Variants in KAT2B observed in about 807,000 individuals in gnomAD.
KAT2B encodes lysine acetyltransferase 2B, also known as histone acetyltransferase KAT2B.
In KAT2B, 36 loss-of-function variants were observed where a neutral mutation model predicts 105.9. The observed-to-expected ratio is 0.34, with a 90% confidence interval of 0.26 to 0.45. The LOEUF is 0.45. KAT2B is among the 20% of genes least tolerant of loss of function. The pLI is 1.00. For missense variants in KAT2B, 820 were observed against 1,021.6 expected (o/e 0.80, Z 2.69); for synonymous variants, 397 against 377.9 (o/e 1.05, Z -0.59).
chr3:20,128,431 A>C (rs1699448705), intron 11 of KAT2B, among the ~76,000 whole-genome samples: 2 of 152,210 alleles, frequency 1.3e-5, no homozygotes, highest in Admixed American at 1.3e-4. Context: ...TAAATTTATG[A>C]ATAAATTTCA....
chr3:20,058,600 A>T (rs960309881), intron 1 of KAT2B, among the ~76,000 whole-genome samples: 1 of 152,076 alleles, frequency 6.6e-6, no homozygotes, highest in Non-Finnish European at 1.5e-5. Flanking sequence ...CCCACCCTGT[A>T]TACTTTCCTC....
chr3:20,104,147 GA>G (rs1559314875), intron 5 of KAT2B, among the ~76,000 whole-genome samples: 1 of 152,130 alleles, frequency 6.6e-6, no homozygotes, highest in Non-Finnish European at 1.5e-5. Context: ...GCAGGGAATA[GA>G]AAAACAGCAA....
chr3:20,098,339 C>CT (rs1239742097), intron 3 of KAT2B, among the ~76,000 whole-genome samples: 1 of 152,084 alleles, frequency 6.6e-6, no homozygotes, highest in African/African-American at 2.4e-5. Flanking sequence ...GCGCTGGAGT[C>CT]TAACTACCTG....
intron 12 of KAT2B, among the ~76,000 whole-genome samples, chr3:20,138,916 C>T (rs1699649952): frequency 6.6e-6 from 1 of 152,074 alleles, no homozygotes; most frequent in South Asian, 2.1e-4. Flanking sequence ...TGTTTTGAGA[C>T]AGGGTCTTAC....
intron 7 of KAT2B, among the ~76,000 whole-genome samples, chr3:20,117,120 T>G (rs1200824371): frequency 6.6e-6 from 1 of 152,172 alleles, no homozygotes; most frequent in Admixed American, 6.6e-5. Flanking sequence ...CCTTGTTTGC[T>G]CAAAATTCTC....
chr3:20,057,865 G>T (rs562531288), intron 1 of KAT2B, among the ~76,000 whole-genome samples: 1 of 152,196 alleles, frequency 6.6e-6, no homozygotes, highest in South Asian at 2.1e-4. Context: ...TCAGTCAGCG[G>T]GACCTAATTA....
At chr3:20,127,603 A>G in intron 11 of KAT2B, 54 bp downstream of exon 11, 1 of 1,552,156 alleles carries the variant, frequency 6.4e-7, no homozygotes, top group Non-Finnish European at 8.9e-7. Flanking sequence ...GCTTCTCACT[A>G]AGGCCTGCAG....
chr3:20,151,443 GTTT>G (rs57662568), intron 17 of KAT2B, among the ~76,000 whole-genome samples: 1 of 149,514 alleles, frequency 6.7e-6, no homozygotes, highest in Non-Finnish European at 1.5e-5. Flanking sequence ...CAGAAGTGGG[GTTT>G]TTTTTTTCCC....
At chr3:20,125,258 T>C (rs1699379745) in intron 9 of KAT2B, among the ~76,000 whole-genome samples, 1 of 137,530 alleles carries the variant, frequency 7.3e-6, no homozygotes, top group Non-Finnish European at 1.5e-5. Context: ...TGAGCTGAGA[T>C]AGCGCCACTG....
Position 20,062,659 on chromosome 3 carries a change from G to A in KAT2B, c.304-9674G>A, listed in dbSNP as rs377342350. 8.7e-4 allele frequency among the ~76,000 whole-genome samples: 132 copies of A among 151,356 alleles called. 1 individual carries two copies. Among genetic ancestry groups the A allele is most frequent in the African/African-American group, 3.2e-3 (130 of 41,252 alleles). ...GTGTTTTTAGTAGAGACGGGGTTTC[G>A]CCTTGTTTGCCAGACTGGTCTTGCA... On this transcript the variant is annotated intron_variant, in intron 1 of 17. Coordinates refer to ENST00000263754, the MANE Select transcript of KAT2B (RefSeq NM_003884.5).
rs185501097 is a variant in KAT2B at position 20,129,327 on chromosome 3, C to T, written c.1749+1778C>T. Among the ~76,000 whole-genome samples the T allele has an allele frequency of 4.2e-4, 64 of 150,886 alleles. 1 individual carries two copies. The highest frequency in any genetic ancestry group is 3.5e-3 in the Middle Eastern group (1 of 286). ...TAACTGCAACAGGCATTCAATGTCA[C>T]GAAGAATTATGGAGACCTTTTACAT... On this transcript the variant is annotated intron_variant, in intron 11 of 17. Transcript: ENST00000263754.
chr3:20,091,195 T>C (rs1167951661), intron 2 of KAT2B, among the ~76,000 whole-genome samples: 4 of 152,184 alleles, frequency 2.6e-5, no homozygotes, highest in African/African-American at 9.6e-5. Flanking sequence ...TGTTATTAGT[T>C]TGTTCAGATT....
chr3:20,151,453 T>TCC (rs1553600567), intron 17 of KAT2B, among the ~76,000 whole-genome samples: 23 of 151,838 alleles, frequency 1.5e-4, no homozygotes, highest in Middle Eastern at 3.2e-3. Flanking sequence ...GTTTTTTTTT[T>TCC]CCCATTTGAC....
In KAT2B at chr3:20,152,717, T is replaced by C; in HGVS notation, c.*192T>C. ...ATTTAAATTGAAGTCATAGGACATT[T>C]TTATTTTATGGAATAGATTTTAATC... On this transcript the variant is annotated 3_prime_UTR_variant, in exon 18 of 18. Transcript: ENST00000263754. The C allele has an allele frequency of 4.4e-6, 2 of 454,030 alleles. No homozygotes were observed. The highest frequency in any genetic ancestry group is 4.0e-6 in the Non-Finnish European group (1 of 253,022). The allele number at this position is 454,030 out of a possible 1,614,324, so 28.1% of individuals were successfully genotyped here. A position where few individuals can be genotyped will look rare whatever the true frequency, so the allele number is the denominator to read the frequency against.
chr3:20,108,188 G>A (rs1475712928), intron 5 of KAT2B, among the ~76,000 whole-genome samples: 1 of 152,120 alleles, frequency 6.6e-6, no homozygotes, highest in Non-Finnish European at 1.5e-5. Flanking sequence ...AGTCCTACTA[G>A]AACAATCAAG....
At chr3:20,101,012 C>T in intron 4 of KAT2B, 3 of 427,290 alleles carry the variant, frequency 7.0e-6, no homozygotes, top group Non-Finnish European at 8.4e-6. Flanking sequence ...CTTTTCAGTC[C>T]ATGGTTTTGA....
At chr3:20,123,109 CAT>C (rs899360051) in intron 9 of KAT2B, 1 of 239,170 alleles carries the variant, frequency 4.2e-6, no homozygotes, top group Non-Finnish European at 6.8e-6. Context: ...AATAAAAATC[CAT>C]AGACTCTTTA....
At chr3:20,069,775 C>T (rs2686323) in intron 1 of KAT2B, among the ~76,000 whole-genome samples, 48,516 of 151,882 alleles carry the variant, frequency 0.32, 10,914 homozygotes, top group East Asian at 0.74. Flanking sequence ...ATGATCCACC[C>T]GCCTTGGCCT....
At chr3:20,049,432 G>A (rs1317782988) in intron 1 of KAT2B, among the ~76,000 whole-genome samples, 1 of 152,132 alleles carries the variant, frequency 6.6e-6, no homozygotes, top group Non-Finnish European at 1.5e-5. Flanking sequence ...TTACTAGCAG[G>A]GAACTGAGAC....
Sources: allele counts gnomAD v4.1 joint callset (sites outside exome capture counted in the v4.1 genomes callset), GRCh38; gene constraint gnomAD v4.1.1; transcripts MANE v1.5; gene names NCBI Gene and HGNC (gene_info 2026-07-23, HGNC 2026-07-21).